UBE2H: variants seen among roughly 807,000 people sequenced by gnomAD.
UBE2H encodes ubiquitin conjugating enzyme E2 H.
UBE2H carries 3 observed loss-of-function variants against 29.0 expected under a neutral mutation model. The observed-to-expected ratio is 0.10, with a 90% CI of 0.05 to 0.27. The LOEUF (loss-of-function observed/expected upper bound fraction) is 0.27. Ranked by LOEUF, UBE2H falls within the 10% of genes least tolerant of loss-of-function variation. The pLI, the probability that UBE2H is intolerant of heterozygous loss-of-function variation, is 1.00. For missense variants in UBE2H, 68 were observed against 228.2 expected (o/e 0.30, Z 4.52); for synonymous variants, 69 against 82.9 (o/e 0.83, Z 0.91).
At chr7:129,892,701 G>A (rs919618513) in intron 1 of UBE2H, among the ~76,000 whole-genome samples, 4 of 152,162 alleles carry the variant, frequency 2.6e-5, no homozygotes, top group Non-Finnish European at 5.9e-5. Flanking sequence ...TAAAGTCCTT[G>A]CATTGAGAGG....
intron 1 of UBE2H, among the ~76,000 whole-genome samples, chr7:129,912,993 G>A (rs1486346648): frequency 6.6e-6 from 1 of 152,184 alleles, no homozygotes; most frequent in Non-Finnish European, 1.5e-5. Context: ...GGTCACGCCT[G>A]TAATCCCAGC....
intron 1 of UBE2H, among the ~76,000 whole-genome samples, chr7:129,947,371 C>T (rs2116533330): frequency 6.6e-6 from 1 of 152,318 alleles, no homozygotes; most frequent in South Asian, 2.1e-4. Flanking sequence ...CTCATCATCT[C>T]ACTAAAACAG....
At chr7:129,944,715 A>AACACACACAC (rs57825154) in intron 1 of UBE2H, among the ~76,000 whole-genome samples, 2,288 of 143,898 alleles carry the variant, frequency 0.016, 26 homozygotes, top group Middle Eastern at 0.028. Flanking sequence ...ATGCGCTCAA[A>AACACACACAC]ACACACACAC....
chr7:129,917,362 A>T (rs1341413747), intron 1 of UBE2H, among the ~76,000 whole-genome samples: 2 of 152,232 alleles, frequency 1.3e-5, no homozygotes, highest in Non-Finnish European at 2.9e-5. Flanking sequence ...GACAGAAAGA[A>T]AATGAAATAG....
At chr7:129,941,691 C>G (rs1198506636) in intron 1 of UBE2H, among the ~76,000 whole-genome samples, 1 of 152,122 alleles carries the variant, frequency 6.6e-6, no homozygotes, top group South Asian at 2.1e-4. Flanking sequence ...CTCAAGCACT[C>G]CTCCCAAAGT....
At chr7:129,856,155 A>G (rs940635769) in intron 5 of UBE2H, among the ~76,000 whole-genome samples, 2 of 152,216 alleles carry the variant, frequency 1.3e-5, no homozygotes, top group African/African-American at 4.8e-5. Context: ...TTTCTCTGTG[A>G]TTCTCATTTA....
intron 1 of UBE2H, among the ~76,000 whole-genome samples, chr7:129,902,967 C>T (rs933153373): frequency 4.6e-5 from 7 of 152,144 alleles, no homozygotes; most frequent in East Asian, 1.9e-4. Context: ...AATACACTGT[C>T]GGGCTGCAAC....
At position 129,877,872 on chromosome 7, in the gene UBE2H, A is replaced by G. The variant is rs3807122; in HGVS notation, c.205+1696T>C. Among the ~76,000 whole-genome samples the G allele has an allele frequency of 1.3e-3, 199 of 152,296 alleles. 1 individual carries two copies. In the East Asian group the frequency reaches 0.027, roughly 21 times the overall value. On this transcript the variant is annotated intron_variant, in intron 3 of 6. Transcript: ENST00000355621. ...CTACAGGATATGAAATTGCATTTCT[A>G]TAAGTTCACTCTTAGTTTCAACAAG...
intron 1 of UBE2H, among the ~76,000 whole-genome samples, chr7:129,897,516 A>G (rs563183320): frequency 6.6e-6 from 1 of 152,348 alleles, no homozygotes; most frequent in Admixed American, 6.5e-5. Flanking sequence ...GGAAGAGAAT[A>G]CTAGACTTCG....
At chr7:129,857,481 C>T in intron 5 of UBE2H, 30 bp downstream of exon 5, 3 of 1,597,768 alleles carry the variant, frequency 1.9e-6, no homozygotes, top group Non-Finnish European at 2.6e-6. Flanking sequence ...GTCTCAACAT[C>T]TCCAAAAAAT....
intron 1 of UBE2H, among the ~76,000 whole-genome samples, chr7:129,950,613 G>T (rs1360546629): frequency 1.3e-5 from 2 of 152,088 alleles, no homozygotes. Flanking sequence ...CTCTGACAAC[G>T]ATCACAAACA....
At chr7:129,934,772 AT>A (rs1488418839) in intron 1 of UBE2H, among the ~76,000 whole-genome samples, 1 of 151,468 alleles carries the variant, frequency 6.6e-6, no homozygotes, top group African/African-American at 2.4e-5. Context: ...AAAAAATAAA[AT>A]AAAAATTTTA....
At chr7:129,944,266 G>A (rs968337071) in intron 1 of UBE2H, among the ~76,000 whole-genome samples, 2 of 152,134 alleles carry the variant, frequency 1.3e-5, no homozygotes, top group Non-Finnish European at 2.9e-5. Context: ...CGAGGCAGGA[G>A]AATGGCGTGA....
chr7:129,846,766 C>A (rs1481827521), intron 5 of UBE2H, among the ~76,000 whole-genome samples: 5 of 152,146 alleles, frequency 3.3e-5, no homozygotes, highest in Admixed American at 3.3e-4. Flanking sequence ...GAAACCACCA[C>A]CAAGTGGTGC....
At chr7:129,842,764 G>A (rs148207019) in intron 5 of UBE2H, among the ~76,000 whole-genome samples, 1 of 151,848 alleles carries the variant, frequency 6.6e-6, no homozygotes, top group Non-Finnish European at 1.5e-5. Context: ...TTAGCTGGGT[G>A]TGGTGGCAGG....
intron 3 of UBE2H, among the ~76,000 whole-genome samples, chr7:129,865,218 T>C (rs1023913945): frequency 1.3e-5 from 2 of 152,022 alleles, no homozygotes; most frequent in African/African-American, 2.4e-5. Flanking sequence ...TCATGACCCA[T>C]AGGCTAATAG....
intron 1 of UBE2H, among the ~76,000 whole-genome samples, chr7:129,916,540 G>A (rs1201118582): frequency 6.7e-6 from 1 of 150,236 alleles, no homozygotes; most frequent in Non-Finnish European, 1.5e-5. Flanking sequence ...CCAGAACTTT[G>A]CAACAGTCTA....
chr7:129,854,960 C>T (rs950523612), intron 5 of UBE2H, among the ~76,000 whole-genome samples: 4 of 151,776 alleles, frequency 2.6e-5, no homozygotes, highest in Non-Finnish European at 4.4e-5. Context: ...TATATAATTA[C>T]GTTTCTAAGA....
At chr7:129,929,685 GAATAATTCTATCCA>G (rs1353742327) in intron 1 of UBE2H, among the ~76,000 whole-genome samples, 10 of 152,170 alleles carry the variant, frequency 6.6e-5, no homozygotes, top group African/African-American at 2.2e-4. Context: ...ATGGTTTACT[GAATAATTCTATCCA>G]GTCTGGTTCA....
Sources: allele counts gnomAD v4.1 joint callset (sites outside exome capture counted in the v4.1 genomes callset), GRCh38; gene constraint gnomAD v4.1.1; transcripts MANE v1.5; gene names NCBI Gene and HGNC (gene_info 2026-07-23, HGNC 2026-07-21).